The following GPC5 variants were observed in gnomAD, a reference collection of about 807,000 sequenced individuals.
GPC5 encodes glypican 5, also known as glypican-5.
In GPC5, 47 loss-of-function variants were observed where a neutral mutation model predicts 53.9. That is an observed-to-expected ratio of 0.87 (90% CI 0.69 to 1.11). GPC5 has a LOEUF of 1.11. GPC5 is among the 50% of genes most tolerant of loss of function. The pLI, the probability that GPC5 is intolerant of heterozygous loss-of-function variation, is 0.00. For synonymous variants in GPC5, 286 were observed against 263.3 expected (o/e 1.09, Z -0.84); for missense variants, 748 against 713.1 (o/e 1.05, Z -0.56).
intron 7 of GPC5, among the ~76,000 whole-genome samples, chr13:92,558,295 C>G (rs1882569989): frequency 1.3e-5 from 2 of 152,058 alleles, no homozygotes; most frequent in Admixed American, 1.3e-4. Flanking sequence ...ATGATTATCT[C>G]AATGTTCTTC....
At chr13:92,596,478 CATT>C (rs202121977) in intron 7 of GPC5, among the ~76,000 whole-genome samples, 1 of 150,786 alleles carries the variant, frequency 6.6e-6, no homozygotes, top group Non-Finnish European at 1.5e-5. Flanking sequence ...TAATAATAAT[CATT>C]ATTATTATTT....
chr13:92,156,437 C>T (rs1274816072), intron 7 of GPC5, among the ~76,000 whole-genome samples: 1 of 152,132 alleles, frequency 6.6e-6, no homozygotes, highest in African/African-American at 2.4e-5. Context: ...GTTTTCATGG[C>T]TTTAACTTGC....
chr13:91,706,381 T>A (rs558457564), intron 3 of GPC5, among the ~76,000 whole-genome samples: 5 of 152,242 alleles, frequency 3.3e-5, no homozygotes, highest in African/African-American at 1.2e-4. Flanking sequence ...TCAATCATCT[T>A]GTAAATCTGA....
chr13:92,544,093 T>C (rs1300977340), intron 7 of GPC5, among the ~76,000 whole-genome samples: 3 of 152,132 alleles, frequency 2.0e-5, no homozygotes, highest in African/African-American at 7.2e-5. Flanking sequence ...TATTGACTAA[T>C]ATAAAATGTT....
chr13:91,595,578 T>A (rs1451888221), intron 2 of GPC5, among the ~76,000 whole-genome samples: 1 of 152,172 alleles, frequency 6.6e-6, no homozygotes, highest in Non-Finnish European at 1.5e-5. Context: ...CAAGTTGTCT[T>A]TTTTTAGTTA....
intron 1 of GPC5, among the ~76,000 whole-genome samples, chr13:91,422,645 GA>G (rs72463929): frequency 1.3e-5 from 2 of 148,858 alleles, no homozygotes; most frequent in Admixed American, 6.7e-5. Context: ...AAAGAAAAAA[GA>G]AAAAAAAAAC....
intron 2 of GPC5, among the ~76,000 whole-genome samples, chr13:91,637,509 G>A (rs907269483): frequency 6.6e-6 from 1 of 152,166 alleles, no homozygotes; most frequent in African/African-American, 2.4e-5. Flanking sequence ...AGGATGAAAG[G>A]AAGTAGGTAC....
chr13:92,364,422 T>C (rs918874763), intron 7 of GPC5, among the ~76,000 whole-genome samples: 1 of 151,808 alleles, frequency 6.6e-6, no homozygotes, highest in Non-Finnish European at 1.5e-5. Context: ...TTTTGAGATT[T>C]AGCATTCAAG....
intron 2 of GPC5, among the ~76,000 whole-genome samples, chr13:91,581,464 C>A (rs1486908043): frequency 6.6e-6 from 1 of 152,160 alleles, no homozygotes; most frequent in East Asian, 1.9e-4. Context: ...GATCTGGATT[C>A]TTAGTCTTGC....
At chr13:91,404,584 G>C (rs976051453) in intron 1 of GPC5, among the ~76,000 whole-genome samples, 6 of 152,108 alleles carry the variant, frequency 3.9e-5, no homozygotes, top group African/African-American at 9.7e-5. Context: ...TCACTAATGA[G>C]ATTGCCCAAA....
chr13:91,576,681 A>C (rs914907887), intron 2 of GPC5, among the ~76,000 whole-genome samples: 4 of 152,118 alleles, frequency 2.6e-5, no homozygotes, highest in Non-Finnish European at 4.4e-5. Flanking sequence ...CCAGAGCCTG[A>C]TGAGAGCTGC....
chr13:92,116,447 C>T lies in GPC5; in HGVS notation c.1402-28383C>T, dbSNP rs77851698. 5.7e-3 allele frequency among the ~76,000 whole-genome samples: 867 copies of T among 152,226 alleles called. 15 individuals are homozygous for T. Among genetic ancestry groups the T allele is most frequent in the African/African-American group, 0.02 (816 of 41,546 alleles). On this transcript the variant is annotated intron_variant, in intron 6 of 7. Transcript: ENST00000377067. ...ATAAACTTCTGTTGTTTAAGCCTCCCGGTTTGTGATTCTTTGTCATGGCAG... is the reference window on the plus strand; with the variant it reads ...ATAAACTTCTGTTGTTTAAGCCTCCTGGTTTGTGATTCTTTGTCATGGCAG...
At chr13:91,581,163 A>T (rs2032346114) in intron 2 of GPC5, among the ~76,000 whole-genome samples, 1 of 152,154 alleles carries the variant, frequency 6.6e-6, no homozygotes, top group African/African-American at 2.4e-5. Context: ...ATTCAAGATG[A>T]GATTTGGGTG....
At chr13:92,827,954 A>T (rs964418731) in intron 7 of GPC5, among the ~76,000 whole-genome samples, 1 of 152,138 alleles carries the variant, frequency 6.6e-6, no homozygotes, top group Admixed American at 6.6e-5. Context: ...GGGAGCTACA[A>T]GTTACCACAC....
chr13:91,466,634 A>C (rs905072607), intron 2 of GPC5, among the ~76,000 whole-genome samples: 4 of 152,000 alleles, frequency 2.6e-5, no homozygotes, highest in Non-Finnish European at 5.9e-5. Flanking sequence ...CAAGGAAGTG[A>C]GTTTTGGTAG....
chr13:91,752,261 T>C (rs1386392222), intron 4 of GPC5, among the ~76,000 whole-genome samples: 6 of 152,250 alleles, frequency 3.9e-5, no homozygotes, highest in Non-Finnish European at 5.9e-5. Flanking sequence ...TATATATGTA[T>C]GTATGTATAG....
intron 7 of GPC5, among the ~76,000 whole-genome samples, chr13:92,705,299 C>A (rs1887911804): frequency 6.6e-6 from 1 of 151,984 alleles, no homozygotes; most frequent in Non-Finnish European, 1.5e-5. Context: ...TTTCTATTGA[C>A]AATTCATTTT....
At chr13:91,804,863 G>A (rs556349474) in intron 5 of GPC5, among the ~76,000 whole-genome samples, 1 of 152,336 alleles carries the variant, frequency 6.6e-6, no homozygotes, top group South Asian at 2.1e-4. Flanking sequence ...GGCAGCTGAA[G>A]GGAAGGAGAT....
chr13:92,051,734 G>A (rs1411489245), intron 6 of GPC5, among the ~76,000 whole-genome samples: 1 of 152,214 alleles, frequency 6.6e-6, no homozygotes, highest in Non-Finnish European at 1.5e-5. Flanking sequence ...ATAACAAAGT[G>A]AAGGTAAGAC....
Sources: allele counts gnomAD v4.1 joint callset (sites outside exome capture counted in the v4.1 genomes callset), GRCh38; gene constraint gnomAD v4.1.1; transcripts MANE v1.5; gene names NCBI Gene and HGNC (gene_info 2026-07-23, HGNC 2026-07-21).